PUS7L: variants seen among roughly 807,000 people sequenced by gnomAD.
PUS7L encodes pseudouridylate synthase PUS7L.
PUS7L carries 49 observed loss-of-function variants against 51.1 expected under a neutral mutation model. The observed-to-expected ratio is 0.96, with a 90% CI of 0.76 to 1.22. PUS7L has a LOEUF of 1.22. PUS7L is among the 50% of genes most tolerant of loss of function. The pLI is 0.00. For synonymous variants in PUS7L, 277 were observed against 276.2 expected, an observed-to-expected ratio of 1.00 and a Z score of -0.03; for missense variants, 828 against 820.6, an observed-to-expected ratio of 1.01 and a Z score of -0.11.
rs774374558 is a variant in PUS7L at position 43,754,392 on chromosome 12, T to A, written c.854A>T (p.His285Leu). The change falls in exon 2 of 9, where the codon CAC becomes CTC. Residue 285 changes from histidine to leucine, a missense_variant. Transcript: ENST00000344862. Reference sequence around the variant, plus strand: ...AGAAAGAGGCCTTTTCCCACGTTTGTGTGCTTTTTCCCGAAATCTTACTGT... The same window carrying A: ...AGAAAGAGGCCTTTTCCCACGTTTGAGTGCTTTTTCCCGAAATCTTACTGT... ...VVTVRFREKA[H>L]KRGKRPLSEC... The A allele has an allele frequency of 6.2e-7, 1 of 1,611,914 alleles. No homozygotes were observed. The highest frequency in any genetic ancestry group is 8.5e-7 in the Non-Finnish European group (1 of 1,179,300).
At position 43,731,732 on chromosome 12, in the gene PUS7L, T is replaced by C. The variant is rs1444205998; in HGVS notation, c.1752A>G (p.Gly584=). ...GATGTATTGCATACATATTAGCTGA[T>C]CCCTCCTCTTCAGTTACCAGGTGAA... ...SKIHLVTEEE[G]SANMYAIHQV... Residue 584 remains glycine, a synonymous_variant, in exon 8 of 9, where the codon GGA becomes GGG. Coordinates refer to ENST00000344862, the MANE Select transcript of PUS7L (RefSeq NM_031292.5). The C allele has an allele frequency of 6.3e-7, 1 of 1,580,380 alleles. No homozygotes were observed. Among genetic ancestry groups the C allele is most frequent in the Non-Finnish European group, 8.7e-7 (1 of 1,153,774 alleles).
chr12:43,738,338 A>G lies in PUS7L; in HGVS notation c.1416T>C (p.Asn472=). The change falls in exon 6 of 9, where the codon AAT becomes AAC. Residue 472 remains asparagine (N), a synonymous_variant. Coordinates refer to ENST00000344862, the MANE Select transcript of PUS7L (RefSeq NM_031292.5). Reference sequence around the variant, plus strand: ...TTTGAAGAAAATACTTCTTTGCTCTATTTACAGGATCATCCAAGTCTTCTG... The same window carrying G: ...TTTGAAGAAAATACTTCTTTGCTCTGTTTACAGGATCATCCAAGTCTTCTG... ...LTPEDLDDPV[N]RAKKYFLQTE... is the part of the protein sequence containing the mutation. The G allele has an allele frequency of 6.3e-7, 1 of 1,592,572 alleles. No individual in the cohort carries two copies. The highest frequency in any genetic ancestry group is 1.1e-5 in the South Asian group (1 of 90,462).
At position 43,736,454 on chromosome 12, in the gene PUS7L, C is replaced by T. The variant is rs1944691710; in HGVS notation, c.1652G>A (p.Gly551Glu). 17 of 1,614,166 alleles carry T rather than the reference C, an allele frequency of 1.1e-5. No homozygotes were observed. Among genetic ancestry groups the T allele is most frequent in the Non-Finnish European group, 1.4e-5 (17 of 1,180,022 alleles). Residue 551 changes from glycine to glutamate, a missense_variant, in exon 7 of 9, where the codon GGA (glycine) becomes GAA (glutamate). By Grantham distance (98) the Gly-to-Glu change is moderately conservative (BLOSUM62 -2). Transcript: ENST00000344862. ...CAAATCACCCTGCACTACTCTTGCTCCATAGGTTTCAAGTCTGTAAGATAC... is the reference window on the plus strand; with the variant it reads ...CAAATCACCCTGCACTACTCTTGCTTCATAGGTTTCAAGTCTGTAAGATAC... ...EAVSYRLETYGARVVQGDLVC... is the reference protein window; with the variant it reads ...EAVSYRLETYEARVVQGDLVC...
rs1944532274 is a variant in PUS7L, at chr12:43,730,692, G to A, written c.1790C>T (p.Pro597Leu). The stretch of plus-strand genomic sequence containing the variant: ...GTACTGAATATTGTATCCAAGTACT[G>A]GAAGAACCACCTGTGAAAGAAAAGA... ...NMYAIHQVVL[P>L]VLGYNIQYPK... Residue 597 changes from proline to leucine, a missense_variant, in exon 9 of 9, where the codon CCA becomes CTA. Transcript: ENST00000344862. The A allele has an allele frequency of 1.3e-6, 2 of 1,590,640 alleles. No homozygotes were observed. The highest frequency in any genetic ancestry group is 1.7e-6 in the Non-Finnish European group (2 of 1,163,048).
At position 43,726,953 on chromosome 12, in the gene PUS7L, G is replaced by A. The variant is rs1198474652; in HGVS notation, c.*3423C>T. 1 of 152,094 alleles carries A rather than the reference G, an allele frequency of 6.6e-6. No individual in the cohort carries two copies. Among genetic ancestry groups the A allele is most frequent in the Non-Finnish European group, 1.5e-5 (1 of 68,000 alleles). 9.4% of individuals were successfully genotyped at this position (152,094 alleles called of 1,614,324 possible). On this transcript the variant is annotated 3_prime_UTR_variant, in exon 9 of 9. Transcript: ENST00000344862. ...GAGAGAATATTTTCAAAGTATGCAT[G>A]AACAAAGGTCTGATATCCAGAATCT...
intron 2 of PUS7L, among the ~76,000 whole-genome samples, chr12:43,749,002 G>A (rs1012926314): frequency 2.0e-5 from 3 of 152,154 alleles, no homozygotes; most frequent in African/African-American, 4.8e-5. Flanking sequence ...GATTACAGGC[G>A]TCAGCCACCA....
chr12:43,736,416 C>T lies in PUS7L; in HGVS notation c.1690G>A (p.Glu564Lys), dbSNP rs779469900. Reference sequence around the variant, plus strand: ...GGGAAATTCTCGTCATCAATGTCTTCATCCAAACAGACCAAATCACCCTGC... The same window carrying T: ...GGGAAATTCTCGTCATCAATGTCTTTATCCAAACAGACCAAATCACCCTGC... ...VVQGDLVCLDEDIDDENFPNS... is the reference protein window; with the variant it reads ...VVQGDLVCLDKDIDDENFPNS... Residue 564 changes from glutamate to lysine, a missense_variant, in exon 7 of 9, where the codon GAA becomes AAA. Transcript: ENST00000344862. 6.2e-7 allele frequency: 1 copy of T among 1,614,048 alleles called. No homozygotes were observed.
rs555292539 is a variant in PUS7L, at chr12:43,755,309, T to C, written c.-16-48A>G. ...GGTTAGTTAACAGAAAGAGAAGTTATGGATGACCAAATAGGAATAGGTTTG... is the reference window on the plus strand; with the variant it reads ...GGTTAGTTAACAGAAAGAGAAGTTACGGATGACCAAATAGGAATAGGTTTG... On this transcript the variant is annotated intron_variant, in intron 1 of 8. Coordinates refer to ENST00000344862, the MANE Select transcript of PUS7L (RefSeq NM_031292.5). 675 of 1,168,966 alleles carry C rather than the reference T, an allele frequency of 5.8e-4. 2 individuals carry two copies. The highest frequency in any genetic ancestry group is 7.2e-4 in the Non-Finnish European group (596 of 833,532). The allele number at this position is 1,168,966 out of a possible 1,614,324, so 72.4% of individuals were successfully genotyped here.
chr12:43,738,336 C>T lies in PUS7L; in HGVS notation c.1418G>A (p.Arg473Lys). The change falls in exon 6 of 9, where the codon AGA (arginine) becomes AAA (lysine). Residue 473 changes from arginine to lysine, a missense_variant. Arg to Lys is a conservative substitution (Grantham distance 26). Coordinates refer to ENST00000344862, the MANE Select transcript of PUS7L (RefSeq NM_031292.5). ...TPEDLDDPVN[R>K]AKKYFLQTED... is the part of the protein sequence containing the mutation. Reference sequence around the variant, plus strand: ...AGTTTGAAGAAAATACTTCTTTGCTCTATTTACAGGATCATCCAAGTCTTC... The same window carrying T: ...AGTTTGAAGAAAATACTTCTTTGCTTTATTTACAGGATCATCCAAGTCTTC... The T allele has an allele frequency of 6.3e-7, 1 of 1,590,796 alleles. No individual in the cohort carries two copies. The highest frequency in any genetic ancestry group is 8.6e-7 in the Non-Finnish European group (1 of 1,159,524).
At chr12:43,747,623 G>A (rs1195046750) in intron 3 of PUS7L, among the ~76,000 whole-genome samples, 3 of 151,984 alleles carry the variant, frequency 2.0e-5, no homozygotes, top group Admixed American at 6.6e-5. Context: ...GAACTTGGGA[G>A]GTAGAGATTG....
chr12:43,747,623 G>C (rs1195046750), intron 3 of PUS7L, among the ~76,000 whole-genome samples: 1 of 151,984 alleles, frequency 6.6e-6, no homozygotes, highest in African/African-American at 2.4e-5. Flanking sequence ...GAACTTGGGA[G>C]GTAGAGATTG....
intron 7 of PUS7L, among the ~76,000 whole-genome samples, chr12:43,734,835 T>G (rs763104491): frequency 6.6e-6 from 1 of 152,178 alleles, no homozygotes; most frequent in Non-Finnish European, 1.5e-5. Flanking sequence ...TCTCTAAAAT[T>G]CAATGATTTT....
chr12:43,740,224 A>C (rs1377055879), intron 5 of PUS7L, among the ~76,000 whole-genome samples: 6 of 152,134 alleles, frequency 3.9e-5, no homozygotes, highest in Admixed American at 3.9e-4. Flanking sequence ...TTTATTTCTA[A>C]AGCACGTGTC....
At chr12:43,748,368 A>G in intron 3 of PUS7L, 82 bp downstream of exon 3, 1 of 962,662 alleles carries the variant, frequency 1.0e-6, no homozygotes, top group East Asian at 2.4e-5. Context: ...AATGCAGTAC[A>G]GGATGTTTAG....
Position 43,730,705 on chromosome 12 carries a change from G to A in PUS7L, c.1780-3C>T. 6.4e-7 allele frequency: 1 copy of A among 1,573,858 alleles called. No homozygotes were observed. ...TATCCAAGTACTGGAAGAACCACCT[G>A]TGAAAGAAAAGAGGGAAAAAATATG... On this transcript the variant is annotated splice_polypyrimidine_tract_variant and splice_region_variant and intron_variant, in intron 8 of 8. Transcript: ENST00000344862.
At chr12:43,741,559 A>T (rs1937898604) in intron 5 of PUS7L, among the ~76,000 whole-genome samples, 1 of 152,242 alleles carries the variant, frequency 6.6e-6, no homozygotes, top group Non-Finnish European at 1.5e-5. Context: ...CAAAATTTTA[A>T]ACATTTTACA....
Position 43,724,076 on chromosome 12 carries a change from C to T in PUS7L, c.*6300G>A, listed in dbSNP as rs1393610658. On this transcript the variant is annotated 3_prime_UTR_variant, in exon 9 of 9. Transcript: ENST00000344862. ...AAATGGAGGAAAAAAGTCCCATTTT[C>T]CTACCTCCCCATATCTTCCTCCAAC... 2 of 151,966 alleles carry T rather than the reference C, an allele frequency of 1.3e-5. No individual in the cohort carries two copies. Among genetic ancestry groups the T allele is most frequent in the African/African-American group, 4.8e-5 (2 of 41,424 alleles). 9.4% of individuals were successfully genotyped at this position (151,966 alleles called of 1,614,324 possible).
intron 6 of PUS7L, 53 bp from the exon 7 acceptor site, chr12:43,736,714 T>C: frequency 7.3e-6 from 11 of 1,516,642 alleles, no homozygotes; most frequent in Non-Finnish European, 9.9e-6. Flanking sequence ...TAAAGGCCAG[T>C]TATAAAGGCT....
At position 43,748,747 on chromosome 12, in the gene PUS7L, T is replaced by TG. The variant is rs1381371970; in HGVS notation, c.911-139dup. 5.4e-6 allele frequency: 4 copies of TG among 740,824 alleles called. No homozygotes were observed. The African/African-American group carries it at 5.4e-5, about 10-fold the overall frequency. The allele number at this position is 740,824 out of a possible 1,614,324, so 45.9% of individuals were successfully genotyped here. ...TGTTGTTGTTGTTGTTGTTTTGTGA[T>TG]GGAGTGTCACTCTGTCACCAGGCTG... is the stretch of plus-strand genomic sequence containing the variant. On this transcript the variant is annotated intron_variant, in intron 2 of 8. Transcript: ENST00000344862.
Sources: gnomAD v4.1 joint callset for allele counts (sites outside exome capture counted in the v4.1 genomes callset) on GRCh38, gnomAD v4.1.1 for gene constraint, MANE v1.5 for transcripts, NCBI Gene and HGNC (gene_info 2026-07-23, HGNC 2026-07-21) for gene names.